SSH2: variants seen among roughly 807,000 people sequenced by gnomAD.
The protein encoded by SSH2 is slingshot protein phosphatase 2, also known as protein phosphatase Slingshot homolog 2.
In SSH2, 37 loss-of-function variants were observed where a neutral mutation model predicts 135.2. That is an observed-to-expected ratio of 0.27 (90% confidence interval 0.21 to 0.36). SSH2 has a LOEUF of 0.36. Ranked by LOEUF, SSH2 falls within the 10% of genes least tolerant of loss-of-function variation. The probability of loss-of-function intolerance (pLI) is 1.00; values close to 1 mark genes in which losing one functional copy is unlikely to be tolerated. For synonymous variants in SSH2, 628 were observed against 646.2 expected (o/e 0.97, Z 0.43); for missense variants, 1,408 against 1,765.3 (o/e 0.80, Z 3.63).
intron 1 of SSH2, among the ~76,000 whole-genome samples, chr17:29,908,755 C>A (rs1277253994): frequency 9.0e-6 from 1 of 110,500 alleles, no homozygotes; most frequent in Non-Finnish European, 1.7e-5. Flanking sequence ...CAGAGCAAGA[C>A]TCCATCTGAA....
At position 29,752,393 on chromosome 17, in the gene SSH2, T is replaced by C. The variant is rs58317688; in HGVS notation, c.188+41501A>G. On this transcript the variant is annotated intron_variant, in intron 3 of 15. Transcript: ENST00000540801. ...ACTCCAAGCATCTGTAAGAATTTAA[T>C]ATATATGTAGCATTTCAAATTAGTG... Among the ~76,000 whole-genome samples, 1,260 of 152,250 alleles carry C rather than the reference T, an allele frequency of 8.3e-3. 19 individuals are homozygous for C. Among genetic ancestry groups the C allele is most frequent in the African/African-American group, 0.029 (1,203 of 41,562 alleles).
chr17:29,893,699 A>G (rs1798812436), intron 1 of SSH2, among the ~76,000 whole-genome samples: 1 of 152,158 alleles, frequency 6.6e-6, no homozygotes, highest in Non-Finnish European at 1.5e-5. Flanking sequence ...ATGATCAAAT[A>G]CTTTTGGGAA....
chr17:29,631,433 C>T lies in SSH2; in HGVS notation c.3761G>A (p.Ser1254Asn), dbSNP rs759934858. 1.2e-6 allele frequency: 2 copies of T among 1,614,074 alleles called. No individual in the cohort carries two copies. Among genetic ancestry groups the T allele is most frequent in the African/African-American group, 1.3e-5 (1 of 74,918 alleles). ...SSENIKSLSH[S>N]PGVVKERAKE... ...AGCACGCTCCTTCACCACACCGGGG[C>T]TGTGGCTGAGACTCTTTATGTTTTC... The change falls in exon 16 of 16, where the codon AGC (serine) becomes AAC (asparagine). Residue 1254 changes from serine (S) to asparagine (N), a missense_variant. This residue lies in a region of SSH2 where 1,080 missense variants were observed against 1,144.5 expected (regional missense o/e 0.94). Coordinates refer to ENST00000540801, the MANE Select transcript of SSH2 (RefSeq NM_001282129.2).
At chr17:29,902,176 G>A (rs1020877084) in intron 1 of SSH2, among the ~76,000 whole-genome samples, 1 of 152,108 alleles carries the variant, frequency 6.6e-6, no homozygotes, top group African/African-American at 2.4e-5. Flanking sequence ...TGAAAGATAT[G>A]ATACATGAAA....
intron 3 of SSH2, among the ~76,000 whole-genome samples, chr17:29,708,358 C>T (rs1250332302): frequency 6.6e-6 from 1 of 152,032 alleles, no homozygotes; most frequent in Non-Finnish European, 1.5e-5. Context: ...GAGGCCAAGG[C>T]GGGCAGATCA....
At chr17:29,905,224 A>T (rs764414587) in intron 1 of SSH2, among the ~76,000 whole-genome samples, 4 of 152,194 alleles carry the variant, frequency 2.6e-5, no homozygotes, top group Non-Finnish European at 4.4e-5. Context: ...GAGGCATTAC[A>T]CTACCCAACT....
rs114012856 is a variant in SSH2, at chr17:29,751,927, C to A, written c.188+41967G>T. On this transcript the variant is annotated intron_variant, in intron 3 of 15. Coordinates refer to ENST00000540801, the MANE Select transcript of SSH2 (RefSeq NM_001282129.2). ...CCACCTGCTGTAACTAATTAGAAAA[C>A]GTCATGGGAAAGTGGAGCTTATTCA... Among the ~76,000 whole-genome samples the A allele has an allele frequency of 6.4e-3, 975 of 151,960 alleles. 12 individuals are homozygous for A. The highest frequency in any genetic ancestry group is 0.02 in the African/African-American group (843 of 41,440).
At chr17:29,882,207 T>C (rs180980684) in intron 1 of SSH2, among the ~76,000 whole-genome samples, 69 of 152,330 alleles carry the variant, frequency 4.5e-4, no homozygotes, top group African/African-American at 1.6e-3. Flanking sequence ...AATACAACTT[T>C]TCTAGAAAGC....
chr17:29,758,441 T>C lies in SSH2; in HGVS notation c.188+35453A>G, dbSNP rs576491858. ...ATAAGGTTGCTATGATTAAATGAGA[T>C]AGATGTACATTAAACTCAGCACTGT... is the stretch of plus-strand genomic sequence containing the variant. On this transcript the variant is annotated intron_variant, in intron 3 of 15. Coordinates refer to ENST00000540801, the MANE Select transcript of SSH2 (RefSeq NM_001282129.2). Among the ~76,000 whole-genome samples, 5 of 152,342 alleles carry C rather than the reference T, an allele frequency of 3.3e-5. No homozygotes were observed. The South Asian group carries it at 8.3e-4, about 25-fold the overall frequency.
chr17:29,812,147 C>T (rs1273219400), intron 2 of SSH2, among the ~76,000 whole-genome samples: 1 of 149,814 alleles, frequency 6.7e-6, no homozygotes, highest in East Asian at 1.9e-4. Context: ...TGATACCTGG[C>T]CATAGTATGT....
chr17:29,898,978 C>T (rs563611186), intron 1 of SSH2, among the ~76,000 whole-genome samples: 74 of 152,228 alleles, frequency 4.9e-4, no homozygotes, highest in Non-Finnish European at 8.4e-4. Flanking sequence ...GTTCAACATA[C>T]GCAAATCAAT....
chr17:29,653,771 AGAGACAGG>A (rs2036676194), intron 12 of SSH2, among the ~76,000 whole-genome samples: 1 of 152,084 alleles, frequency 6.6e-6, no homozygotes, highest in Non-Finnish European at 1.5e-5. Flanking sequence ...TATTTTTAGT[AGAGACAGG>A]GTTTCACCAT....
At chr17:29,657,581 T>G (rs1332414539) in intron 11 of SSH2, among the ~76,000 whole-genome samples, 1 of 140,280 alleles carries the variant, frequency 7.1e-6, no homozygotes, top group African/African-American at 2.6e-5. Flanking sequence ...TTTGTTTTTT[T>G]TTTTTTTTTT....
intron 2 of SSH2, among the ~76,000 whole-genome samples, chr17:29,817,144 G>A (rs2042572859): frequency 6.6e-6 from 1 of 152,104 alleles, no homozygotes; most frequent in African/African-American, 2.4e-5. Context: ...ATCATGCATT[G>A]TCAGCTTACA....
intron 2 of SSH2, among the ~76,000 whole-genome samples, chr17:29,819,061 T>C (rs1404603112): frequency 3.3e-5 from 5 of 151,984 alleles, no homozygotes; most frequent in Non-Finnish European, 7.4e-5. Context: ...ACCCCGTCTC[T>C]ACTAAAAATA....
intron 6 of SSH2, among the ~76,000 whole-genome samples, chr17:29,682,935 A>G (rs1344408343): frequency 6.6e-6 from 1 of 152,208 alleles, no homozygotes; most frequent in Non-Finnish European, 1.5e-5. Flanking sequence ...GTTAAGTGGT[A>G]TACAAGCTAA....
intron 4 of SSH2, among the ~76,000 whole-genome samples, chr17:29,701,348 C>G (rs1048016634): frequency 6.6e-6 from 1 of 151,548 alleles, no homozygotes; most frequent in Admixed American, 6.6e-5. Flanking sequence ...CTCAGGTGAT[C>G]CACCTGCCTC....
At chr17:29,870,525 A>G (rs2065921782) in intron 1 of SSH2, among the ~76,000 whole-genome samples, 1 of 152,218 alleles carries the variant, frequency 6.6e-6, no homozygotes, top group Non-Finnish European at 1.5e-5. Context: ...TTAAAAAATT[A>G]AACAAAAATA....
intron 4 of SSH2, among the ~76,000 whole-genome samples, chr17:29,702,254 G>A (rs973117117): frequency 8.6e-5 from 13 of 151,876 alleles, no homozygotes; most frequent in Non-Finnish European, 2.9e-5. Flanking sequence ...TTGGGAGGTT[G>A]AGGCAGGAGA....
Sources: gnomAD v4.1 joint callset for allele counts (sites outside exome capture counted in the v4.1 genomes callset) on GRCh38, gnomAD v4.1.1 for gene constraint, gnomAD v4.1.1 regional missense constraint, MANE v1.5 for transcripts, NCBI Gene and HGNC (gene_info 2026-07-23, HGNC 2026-07-21) for gene names.